ASXL1: variants seen among roughly 807,000 people sequenced by gnomAD.
ASXL1 encodes polycomb group protein ASXL1.
ASXL1 carries 65 observed loss-of-function variants against 89.1 expected under a neutral mutation model. That is an observed-to-expected ratio of 0.73 (90% CI 0.60 to 0.90). The LOEUF (loss-of-function observed/expected upper bound fraction) is 0.90. ASXL1 is among the 40% of genes least tolerant of loss of function. The pLI, the probability that ASXL1 is intolerant of heterozygous loss-of-function variation, is 0.00. For missense variants in ASXL1, 1,786 were observed against 1,942.9 expected (o/e 0.92, Z 1.52); for synonymous variants, 739 against 746.9 (o/e 0.99, Z 0.17).
rs200198574 is a variant in ASXL1 at position 32,358,851 on chromosome 20, G to C, written c.57+19G>C. The C allele has an allele frequency of 6.6e-7, 1 of 1,504,514 alleles. No individual in the cohort carries two copies. Among genetic ancestry groups the C allele is most frequent in the Admixed American group, 2.1e-5 (1 of 46,542 alleles). 93.2% of individuals were successfully genotyped at this position (1,504,514 alleles called of 1,614,324 possible). A position where few individuals can be genotyped will look rare whatever the true frequency, so the allele number is the denominator to read the frequency against. ...GCGCCTGGTGAGGCGGACAGCCGAG[G>C]GGGGCTCCGTGGGGCCCGGGGTGGG... On this transcript the variant is annotated intron_variant, in intron 1 of 12. Coordinates refer to ENST00000375687, the MANE Select transcript of ASXL1 (RefSeq NM_015338.6).
rs915660425 is a variant in ASXL1, at chr20:32,432,777, T to G, written c.980-103T>G. The G allele has an allele frequency of 7.8e-5, 109 of 1,401,098 alleles. No homozygotes were observed. The African/African-American group carries it at 1.4e-3, about 18-fold the overall frequency. The allele number at this position is 1,401,098 out of a possible 1,614,324, so 86.8% of individuals were successfully genotyped here. On this transcript the variant is annotated intron_variant, in intron 10 of 12. Transcript: ENST00000375687. ...TATAAGAGCATGATGTGAGAGAGCC[T>G]TTAGAAGAGACGTGTTGTTTTAAAA...
At chr20:32,374,628 C>T (rs563510297) in intron 4 of ASXL1, among the ~76,000 whole-genome samples, 104 of 152,042 alleles carry the variant, frequency 6.8e-4, no homozygotes, top group Admixed American at 4.4e-3. Context: ...TTAAGAATTC[C>T]AGATTTCCAG....
rs763081912 is a variant in ASXL1, at chr20:32,437,108, G to A, written c.4396G>A (p.Gly1466Ser). ...YSSSSPTFPK[G>S]LAGSVVQLSH... The stretch of plus-strand genomic sequence containing the variant: ...CTCTAGCTCTCCCACCTTTCCCAAA[G>A]GCCTTGCTGGAAGTGTGGTGCAGCT... Residue 1466 changes from glycine to serine, a missense_variant, in exon 13 of 13, where the codon GGC (glycine) becomes AGC (serine). By Grantham distance (56) the Gly-to-Ser change is moderately conservative (BLOSUM62 0). This residue lies in a region of ASXL1 where 1,418 missense variants were observed against 1,427.8 expected (regional missense o/e 0.99). Transcript: ENST00000375687. The A allele has an allele frequency of 9.3e-6, 15 of 1,614,202 alleles. No homozygotes were observed. In the Admixed American group the frequency reaches 2.5e-4, roughly 27 times the overall value.
At position 32,436,856 on chromosome 20, in the gene ASXL1, G is replaced by A. The variant is rs1195761913; in HGVS notation, c.4144G>A (p.Ala1382Thr). 1.2e-6 allele frequency: 2 copies of A among 1,614,078 alleles called. No individual in the cohort carries two copies. Among genetic ancestry groups the A allele is most frequent in the African/African-American group, 1.3e-5 (1 of 74,916 alleles). The change falls in exon 13 of 13, where the codon GCC becomes ACC. Residue 1382 changes from alanine to threonine, a missense_variant. This residue lies in a region of ASXL1 where 1,418 missense variants were observed against 1,427.8 expected (regional missense o/e 0.99). Coordinates refer to ENST00000375687, the MANE Select transcript of ASXL1 (RefSeq NM_015338.6). ...TGTGGGGGGTCCTCTTAAGGCAAATGCCGAGAACAGGAAAGCTACTGGGCA... is the reference window on the plus strand; with the variant it reads ...TGTGGGGGGTCCTCTTAAGGCAAATACCGAGAACAGGAAAGCTACTGGGCA... ...TFVGGPLKAN[A>T]ENRKATGHSP...
chr20:32,413,722 G>A (rs1353233835), intron 4 of ASXL1, among the ~76,000 whole-genome samples: 2 of 152,200 alleles, frequency 1.3e-5, no homozygotes, highest in Non-Finnish European at 1.5e-5. Flanking sequence ...CTCTTTTCAC[G>A]TGCATGTGGC....
intron 4 of ASXL1, among the ~76,000 whole-genome samples, chr20:32,407,750 G>A (rs2048980276): frequency 1.3e-5 from 2 of 152,078 alleles, no homozygotes; most frequent in African/African-American, 4.8e-5. Flanking sequence ...CACCATGCCT[G>A]GCCTGGCCTG....
At chr20:32,398,602 T>TG (rs1479753423) in intron 4 of ASXL1, among the ~76,000 whole-genome samples, 8 of 64,592 alleles carry the variant, frequency 1.2e-4, no homozygotes, top group Non-Finnish European at 3.4e-4. Context: ...TTTTTTTGTT[T>TG]GTTTTTTTTT....
intron 4 of ASXL1, among the ~76,000 whole-genome samples, chr20:32,423,608 T>C (rs1038495951): frequency 4.6e-5 from 7 of 152,104 alleles, no homozygotes; most frequent in African/African-American, 1.7e-4. Flanking sequence ...TGGAGTGCAA[T>C]GGCATGATCT....
At chr20:32,410,904 G>A (rs2049030233) in intron 4 of ASXL1, among the ~76,000 whole-genome samples, 1 of 151,864 alleles carries the variant, frequency 6.6e-6, no homozygotes, top group Non-Finnish European at 1.5e-5. Context: ...GATGGCGCAT[G>A]CCTGTAATCT....
intron 4 of ASXL1, among the ~76,000 whole-genome samples, chr20:32,381,634 C>G (rs572556426): frequency 6.6e-5 from 10 of 151,852 alleles, no homozygotes; most frequent in African/African-American, 2.2e-4. Flanking sequence ...CCTGCCTCAG[C>G]CTCCTGAGTA....
chr20:32,364,176 G>T (rs2048168505), intron 1 of ASXL1, among the ~76,000 whole-genome samples: 2 of 152,112 alleles, frequency 1.3e-5, no homozygotes, highest in African/African-American at 4.8e-5. Flanking sequence ...TGCAGTATGT[G>T]ATTAAGGAGC....
At chr20:32,421,351 A>G (rs866121578) in intron 4 of ASXL1, among the ~76,000 whole-genome samples, 7 of 152,106 alleles carry the variant, frequency 4.6e-5, no homozygotes, top group Admixed American at 6.5e-5. Context: ...AACCACAATG[A>G]GGTACCATTA....
Position 32,404,901 on chromosome 20 carries a change from C to G in ASXL1, c.253-23227C>G, listed in dbSNP as rs563408470. Among the ~76,000 whole-genome samples, 21 of 152,220 alleles carry G rather than the reference C, an allele frequency of 1.4e-4. No individual in the cohort carries two copies. In the South Asian group the frequency reaches 2.1e-3, roughly 15 times the overall value. ...GCATTGATATAAATAATTATGCTTT[C>G]TTTTCACATCTTATTGTTTTAGTTT... On this transcript the variant is annotated intron_variant, in intron 4 of 12. Transcript: ENST00000375687.
At chr20:32,428,103 C>G in intron 4 of ASXL1, 25 bp from the exon 5 acceptor site, 1 of 1,612,614 alleles carries the variant, frequency 6.2e-7, no homozygotes, top group Non-Finnish European at 8.5e-7. Context: ...GTTTTGTTCA[C>G]CTGAGTTGTA....
Position 32,436,030 on chromosome 20 carries a change from A to G in ASXL1, c.3318A>G (p.Pro1106=). The G allele has an allele frequency of 6.2e-7, 1 of 1,614,026 alleles. No homozygotes were observed. The highest frequency in any genetic ancestry group is 8.5e-7 in the Non-Finnish European group (1 of 1,180,006). ...MPGSSVEATN[P]LVMQLLQGSL... ...GGTCCTCAGTGGAGGCCACTAACCC[A>G]CTTGTGATGCAGTTGCTGCAGGGTA... is the stretch of plus-strand genomic sequence containing the variant. Residue 1106 remains proline, a synonymous_variant, in exon 13 of 13, where the codon CCA becomes CCG. Coordinates refer to ENST00000375687, the MANE Select transcript of ASXL1 (RefSeq NM_015338.6).
chr20:32,433,098 C>T (rs991388870), intron 11 of ASXL1, 113 bp downstream of exon 11: 6 of 1,547,502 alleles, frequency 3.9e-6, no homozygotes, highest in African/African-American at 1.4e-5. Flanking sequence ...ATTGCAGTGA[C>T]ACTTGGGTCA....
chr20:32,364,584 G>T (rs1407512553), intron 1 of ASXL1, among the ~76,000 whole-genome samples: 1 of 152,164 alleles, frequency 6.6e-6, no homozygotes, highest in Non-Finnish European at 1.5e-5. Flanking sequence ...GAGTGCAGTG[G>T]CTATACACAG....
chr20:32,382,814 A>G (rs1240246173), intron 4 of ASXL1, among the ~76,000 whole-genome samples: 1 of 152,108 alleles, frequency 6.6e-6, no homozygotes, highest in Non-Finnish European at 1.5e-5. Context: ...CATTCATTTA[A>G]AAATGAATGG....
At chr20:32,359,650 GGACAAA>G (rs1468119787) in intron 1 of ASXL1, 13 of 716,610 alleles carry the variant, frequency 1.8e-5, no homozygotes, top group African/African-American at 3.5e-5. Flanking sequence ...AATGTATGTT[GGACAAA>G]GACAAAGTAT....
Sources: gnomAD v4.1 joint callset for allele counts (sites outside exome capture counted in the v4.1 genomes callset) on GRCh38, gnomAD v4.1.1 for gene constraint, gnomAD v4.1.1 regional missense constraint, MANE v1.5 for transcripts, NCBI Gene and HGNC (gene_info 2026-07-23, HGNC 2026-07-21) for gene names.